Variants in DMD observed in about 807,000 individuals in gnomAD.
The protein encoded by DMD is mutant dystrophin.
In DMD, 63 loss-of-function variants were observed where a neutral mutation model predicts 330.1. That is an observed-to-expected ratio of 0.19 (90% CI 0.16 to 0.24). The LOEUF (loss-of-function observed/expected upper bound fraction) is 0.24, where lower values mean the gene tolerates loss of function less well. DMD is among the 10% of genes least tolerant of loss of function. The pLI, the probability that DMD is intolerant of heterozygous loss-of-function variation, is 1.00. For synonymous variants in DMD, 1,223 were observed against 959.8 expected (o/e 1.27, Z -5.07); for missense variants, 3,344 against 2,684.1 (o/e 1.25, Z -5.43).
intron 45 of DMD, among the ~76,000 whole-genome samples, chrX:31,945,398 G>A (rs991393867): frequency 7.2e-5 from 8 of 111,540 alleles, no homozygotes; most frequent in African/African-American, 1.3e-4. Flanking sequence ...GTGCAGTGGC[G>A]CGATCTTGGC....
chrX:32,703,755 A>C (rs765242497), intron 7 of DMD, among the ~76,000 whole-genome samples: 7 of 111,776 alleles, frequency 6.3e-5, no homozygotes, highest in Non-Finnish European at 1.1e-4. Context: ...AGAATTATGT[A>C]AGACAGTGAC....
At chrX:33,170,502 T>G (rs1158414) in intron 1 of DMD, among the ~76,000 whole-genome samples, 32 of 111,324 alleles carry the variant, frequency 2.9e-4, no homozygotes, top group Non-Finnish European at 4.7e-4. Flanking sequence ...CCAAGCCACA[T>G]AGGTAATTTT....
chrX:31,474,706 C>CAAAAAA (rs779735826), intron 59 of DMD, among the ~76,000 whole-genome samples: 3 of 64,008 alleles, frequency 4.7e-5, no homozygotes, highest in Non-Finnish European at 8.6e-5. Flanking sequence ...GAGACTGTCG[C>CAAAAAA]AAAAAAAAAA....
intron 41 of DMD, among the ~76,000 whole-genome samples, chrX:32,324,890 C>A (rs1376535871): frequency 2.7e-5 from 3 of 111,225 alleles, no homozygotes; most frequent in Non-Finnish European, 3.8e-5. Flanking sequence ...CTTTTAAAAG[C>A]ATCAAAAAGA....
chrX:32,489,131 T>G (rs2148616385), intron 20 of DMD, among the ~76,000 whole-genome samples: 1 of 111,156 alleles, frequency 9.0e-6, no homozygotes. Context: ...TTGATTCCAT[T>G]GTTTCATATC....
At chrX:31,734,722 T>C (rs775110517) in intron 51 of DMD, among the ~76,000 whole-genome samples, 1 of 110,874 alleles carries the variant, frequency 9.0e-6, no homozygotes, top group South Asian at 3.8e-4. Context: ...AAACGAGTAG[T>C]GATGACAGGC....
intron 54 of DMD, among the ~76,000 whole-genome samples, chrX:31,634,807 C>A (rs781468465): frequency 1.8e-5 from 2 of 111,285 alleles, no homozygotes; most frequent in African/African-American, 6.5e-5. Context: ...TTCTACTTTA[C>A]TTTGCATTAC....
At chrX:31,215,542 C>A (rs1014239444) in intron 64 of DMD, among the ~76,000 whole-genome samples, 1 of 111,859 alleles carries the variant, frequency 8.9e-6, no homozygotes, top group Admixed American at 9.5e-5. Context: ...TTTCACAGGA[C>A]ATATCTGTTA....
intron 44 of DMD, among the ~76,000 whole-genome samples, chrX:32,208,129 C>CA (rs2097078477): frequency 1.8e-5 from 2 of 111,026 alleles, no homozygotes; most frequent in Admixed American, 9.6e-5. Flanking sequence ...AACAAATTAC[C>CA]AAAAAAACTT....
At chrX:31,416,649 G>T (rs145941802) in intron 60 of DMD, among the ~76,000 whole-genome samples, 2,093 of 112,184 alleles carry the variant, frequency 0.019, 45 homozygotes, top group African/African-American at 0.064. Flanking sequence ...AACAAATGTT[G>T]GTTAACGACA....
chrX:32,408,114 A>T (rs186995135), intron 30 of DMD, among the ~76,000 whole-genome samples: 1 of 111,349 alleles, frequency 9.0e-6, no homozygotes, highest in Non-Finnish European at 1.9e-5. Flanking sequence ...CCTAAAACTT[A>T]AAGTATTAAA....
intron 6 of DMD, among the ~76,000 whole-genome samples, chrX:32,815,306 A>C (rs781395600): frequency 4.2e-4 from 37 of 87,468 alleles, no homozygotes; most frequent in South Asian, 1.9e-3. Flanking sequence ...TAGAGTGGTC[A>C]AAAAAAAAAA....
chrX:32,484,407 G>T (rs1276515330), intron 21 of DMD, among the ~76,000 whole-genome samples: 1 of 111,828 alleles, frequency 8.9e-6, no homozygotes, highest in Non-Finnish European at 1.9e-5. Context: ...TATCATCAAA[G>T]GAAAAAATAG....
chrX:31,304,495 G>A (rs1277258026), intron 62 of DMD, among the ~76,000 whole-genome samples: 1 of 109,706 alleles, frequency 9.1e-6, no homozygotes, highest in Admixed American at 9.9e-5. Context: ...TATAGTCTTA[G>A]ATAGATCTTT....
intron 1 of DMD, among the ~76,000 whole-genome samples, chrX:33,325,694 A>G (rs1464226110): frequency 1.8e-5 from 2 of 112,287 alleles, no homozygotes; most frequent in Non-Finnish European, 1.9e-5. Flanking sequence ...GGAAGTAGAT[A>G]TTTGCTTTTA....
chrX:32,218,100 GA>G (rs1300043226), intron 43 of DMD, among the ~76,000 whole-genome samples: 1 of 111,429 alleles, frequency 9.0e-6, no homozygotes, highest in Non-Finnish European at 1.9e-5. Flanking sequence ...GACTGAGGCA[GA>G]AATAATATGA....
At chrX:33,192,943 C>T (rs748172760) in intron 1 of DMD, among the ~76,000 whole-genome samples, 4 of 111,896 alleles carry the variant, frequency 3.6e-5, no homozygotes, top group Non-Finnish European at 5.6e-5. Flanking sequence ...CATTCACGTA[C>T]ACACTATGAA....
intron 70 of DMD, chrX:31,178,260 T>C: frequency 1.3e-6 from 1 of 752,197 alleles, no homozygotes; most frequent in Non-Finnish European, 1.6e-6. Flanking sequence ...ATATTTTCTT[T>C]TGAGTAGAAA....
intron 43 of DMD, among the ~76,000 whole-genome samples, chrX:32,252,735 T>TAA (rs2097273429): frequency 7.4e-5 from 2 of 27,108 alleles, no homozygotes; most frequent in African/African-American, 2.0e-4. Context: ...AATATATAAA[T>TAA]ATATATATAA....
Sources: allele counts gnomAD v4.1 joint callset (sites outside exome capture counted in the v4.1 genomes callset), GRCh38; gene constraint gnomAD v4.1.1; transcripts MANE v1.5; gene names NCBI Gene and HGNC (gene_info 2026-07-23, HGNC 2026-07-21).